CFAP47: variants seen among roughly 807,000 people sequenced by gnomAD.
CFAP47 encodes cilia and flagella associated protein 47, also known as cilia- and flagella-associated protein 47.
In CFAP47, 29 loss-of-function variants were observed where a neutral mutation model predicts 148.1. That is an observed-to-expected ratio of 0.20 (90% CI 0.15 to 0.27). CFAP47 has a LOEUF of 0.27. Ranked by LOEUF, CFAP47 falls within the 10% of genes least tolerant of loss-of-function variation. CFAP47 has a pLI of 1.00. For missense variants in CFAP47, 1,872 were observed against 1,697.5 expected (o/e 1.10, Z -1.81); for synonymous variants, 664 against 577.3 (o/e 1.15, Z -2.15).
intron 62 of CFAP47, among the ~76,000 whole-genome samples, chrX:36,371,566 T>C (rs1054279177): frequency 6.0e-5 from 6 of 100,247 alleles, no homozygotes; most frequent in Non-Finnish European, 8.1e-5. Context: ...TATGTGTATA[T>C]ATATGTGTGT....
intron 42 of CFAP47, among the ~76,000 whole-genome samples, chrX:36,198,820 A>G (rs2146880848): frequency 9.0e-6 from 1 of 111,332 alleles, no homozygotes; most frequent in African/African-American, 3.3e-5. Flanking sequence ...CTAGTTTTTC[A>G]GGTTAACTTT....
chrX:36,203,345 C>G (rs1940003294), intron 44 of CFAP47, among the ~76,000 whole-genome samples: 2 of 111,453 alleles, frequency 1.8e-5, no homozygotes, highest in South Asian at 7.4e-4. Context: ...CTCCCATTTT[C>G]TTTTTCAATT....
chrX:36,339,579 C>T (rs986458942), intron 57 of CFAP47, among the ~76,000 whole-genome samples: 2 of 111,206 alleles, frequency 1.8e-5, no homozygotes, highest in Admixed American at 9.6e-5. Context: ...ATGTGTAAAG[C>T]CAGAAACCCT....
chrX:36,059,151 C>T (rs891536968), intron 26 of CFAP47, among the ~76,000 whole-genome samples: 2 of 111,464 alleles, frequency 1.8e-5, no homozygotes, highest in African/African-American at 3.3e-5. Context: ...AAATTAGAAT[C>T]GAGCCATTTC....
rs781868486 is a variant in CFAP47 at position 36,353,592 on chromosome X, G to T, written c.8762G>T (p.Gly2921Val). Reference sequence around the variant, plus strand: ...AAGGTAGAAATCATACTGAATGCTGGTTTTTTCGGATTTAGTCTTACTCCA... The same window carrying T: ...AAGGTAGAAATCATACTGAATGCTGTTTTTTTCGGATTTAGTCTTACTCCA... The part of the protein sequence containing the change: ...EEKVEIILNA[G>V]FFGFSLTPDL... Residue 2921 changes from glycine (G) to valine (V), a missense_variant, in exon 60 of 64, where the codon GGT (glycine) becomes GTT (valine). Gly to Val is a moderately radical substitution (Grantham distance 109). Coordinates refer to ENST00000378653, the MANE Select transcript of CFAP47 (RefSeq NM_001304548.2). The T allele has an allele frequency of 3.4e-6, 4 of 1,162,528 alleles. No individual in the cohort carries two copies. Among genetic ancestry groups the T allele is most frequent in the Middle Eastern group, 2.3e-4 (1 of 4,295 alleles).
chrX:36,080,961 T>C (rs73470922), intron 29 of CFAP47, among the ~76,000 whole-genome samples: 2,920 of 111,056 alleles, frequency 0.026, 93 homozygotes, highest in African/African-American at 0.091. Context: ...GAAAACTAAC[T>C]CAAAAGCTAG....
At chrX:36,336,981 C>A (rs1405290204) in intron 57 of CFAP47, among the ~76,000 whole-genome samples, 1 of 111,813 alleles carries the variant, frequency 8.9e-6, no homozygotes, top group Non-Finnish European at 1.9e-5. Flanking sequence ...TTAAAATAAA[C>A]CTTCTTCCCT....
intron 2 of CFAP47, among the ~76,000 whole-genome samples, chrX:35,926,652 T>TTATC (rs199887042): frequency 0.039 from 4,326 of 111,701 alleles, 201 homozygotes; most frequent in African/African-American, 0.13. Context: ...CATCATAAAT[T>TTATC]TATCAAAGTT....
chrX:36,292,614 G>A (rs1467125470), intron 51 of CFAP47, among the ~76,000 whole-genome samples: 1 of 111,873 alleles, frequency 8.9e-6, no homozygotes, highest in East Asian at 2.8e-4. Context: ...AAGTGGTTAT[G>A]TGGAAGTAAA....
intron 1 of CFAP47, among the ~76,000 whole-genome samples, chrX:35,924,039 A>G (rs764174547): frequency 5.2e-5 from 5 of 95,451 alleles, no homozygotes; most frequent in African/African-American, 9.0e-5. Flanking sequence ...ATGCACATAT[A>G]TGTGTATATG....
intron 51 of CFAP47, 111 bp from the exon 52 acceptor site, chrX:36,298,861 AAAAAT>A (rs1464974165): frequency 2.3e-6 from 1 of 434,530 alleles, no homozygotes; most frequent in Admixed American, 4.2e-5. Context: ...ATCAAGGTAA[AAAAAT>A]AAAACAAATG....
chrX:35,924,068 T>C (rs751972762), intron 1 of CFAP47, among the ~76,000 whole-genome samples: 6 of 97,582 alleles, frequency 6.1e-5, no homozygotes, highest in South Asian at 4.6e-4. Context: ...TGCGCACATA[T>C]ATGTATATAT....
chrX:36,298,388 A>C (rs1941264267), intron 51 of CFAP47, among the ~76,000 whole-genome samples: 1 of 83,516 alleles, frequency 1.2e-5, no homozygotes, highest in South Asian at 7.5e-4. Flanking sequence ...GAAGGGGAAT[A>C]TCACACTCTG....
chrX:36,054,291 T>G (rs1363832962), intron 26 of CFAP47, among the ~76,000 whole-genome samples: 1 of 112,423 alleles, frequency 8.9e-6, no homozygotes, highest in Admixed American at 9.4e-5. Flanking sequence ...CCATTAGTTA[T>G]CCATAAGTGT....
intron 45 of CFAP47, among the ~76,000 whole-genome samples, chrX:36,209,708 CTATT>C (rs1555989231): frequency 1.7e-4 from 19 of 111,629 alleles, no homozygotes; most frequent in Non-Finnish European, 1.9e-5. Flanking sequence ...CTCTAATCCT[CTATT>C]TATGTATTTT....
chrX:36,157,613 T>C (rs1939383768), intron 37 of CFAP47, among the ~76,000 whole-genome samples: 1 of 111,246 alleles, frequency 9.0e-6, no homozygotes, highest in African/African-American at 3.3e-5. Flanking sequence ...AATTTTCACA[T>C]TTATTTTGTG....
rs200647222 is a variant in CFAP47, at chrX:35,967,734, T to C, written c.1716T>C (p.Asn572=). The change falls in exon 10 of 64, where the codon AAT becomes AAC. Residue 572 remains asparagine (N), a synonymous_variant. Coordinates refer to ENST00000378653, the MANE Select transcript of CFAP47 (RefSeq NM_001304548.2). The part of the protein sequence containing the change: ...MLQSAMTRTH[N]HRSCEEPVKD... Reference sequence around the variant, plus strand: ...AATCAGCCATGACACGCACTCACAATCATCGCTCATGTGAAGAGCCAGTGA... The same window carrying C: ...AATCAGCCATGACACGCACTCACAACCATCGCTCATGTGAAGAGCCAGTGA... 2 of 1,208,857 alleles carry C rather than the reference T, an allele frequency of 1.7e-6. No homozygotes were observed. Among genetic ancestry groups the C allele is most frequent in the Non-Finnish European group, 1.1e-6 (1 of 893,413 alleles).
chrX:36,259,439 C>G (rs1569301908), intron 49 of CFAP47, among the ~76,000 whole-genome samples: 1 of 110,895 alleles, frequency 9.0e-6, no homozygotes, highest in East Asian at 2.8e-4. Flanking sequence ...TTTATGTCTC[C>G]TAGTAACTAT....
In CFAP47 at chrX:36,085,411, G is replaced by A. The variant is rs996908316; in HGVS notation, c.4789G>A (p.Val1597Met). 5.8e-6 allele frequency: 7 copies of A among 1,200,160 alleles called. No homozygotes were observed. The highest frequency in any genetic ancestry group is 1.8e-5 in the African/African-American group (1 of 56,432). The change falls in exon 30 of 64, where the codon GTG becomes ATG. Residue 1597 changes from valine (V) to methionine (M), a missense_variant. Transcript: ENST00000378653. ...CAAATATAATAAGACCATTTATGAT[G>A]TGCTGCTCCATTTGAGTGGAAAAAT... ...FSKYNKTIYD[V>M]LLHLSGKMPP...
Sources: gnomAD v4.1 joint callset for allele counts (sites outside exome capture counted in the v4.1 genomes callset) on GRCh38, gnomAD v4.1.1 for gene constraint, MANE v1.5 for transcripts, NCBI Gene and HGNC (gene_info 2026-07-23, HGNC 2026-07-21) for gene names.